GALNT18: variants seen among roughly 807,000 people sequenced by gnomAD.
GALNT18 encodes polypeptide N-acetylgalactosaminyltransferase 18.
In GALNT18, 44 loss-of-function variants were observed where a neutral mutation model predicts 69.5. That is an observed-to-expected ratio of 0.63 (90% confidence interval 0.50 to 0.81). GALNT18 has a LOEUF of 0.81. Ranked by LOEUF, GALNT18 falls within the 40% of genes least tolerant of loss-of-function variation. The probability of loss-of-function intolerance (pLI) is 0.00; values close to 1 mark genes in which losing one functional copy is unlikely to be tolerated. For missense variants in GALNT18, 715 were observed against 810.0 expected (o/e 0.88, Z 1.42); for synonymous variants, 364 against 318.2 (o/e 1.14, Z -1.53).
chr11:11,438,915 C>T (rs1241368144), intron 2 of GALNT18, among the ~76,000 whole-genome samples: 3 of 152,182 alleles, frequency 2.0e-5, no homozygotes, highest in Non-Finnish European at 4.4e-5. Context: ...CCCGGTGACT[C>T]CTTGCACCGA....
At chr11:11,311,575 G>A (rs1471061817) in intron 9 of GALNT18, among the ~76,000 whole-genome samples, 8 of 152,156 alleles carry the variant, frequency 5.3e-5, no homozygotes, top group African/African-American at 1.9e-4. Flanking sequence ...AGCTTCATGT[G>A]CTAGCATGAC....
intron 1 of GALNT18, among the ~76,000 whole-genome samples, chr11:11,450,792 T>C (rs1488489592): frequency 1.3e-5 from 2 of 152,206 alleles, no homozygotes; most frequent in South Asian, 2.1e-4. Flanking sequence ...AAGGTAGGAA[T>C]TGTTGTCATC....
rs1322351755 is a variant in GALNT18, at chr11:11,356,352, C to T, written c.1093-15348G>A. ...AATGTAATGGTGGCCAAGAAGCTAC[C>T]TTCCAGGGTCTGATACCGACCAGCA... On this transcript the variant is annotated intron_variant, in intron 6 of 10. Coordinates refer to ENST00000227756, the MANE Select transcript of GALNT18 (RefSeq NM_198516.3). This position sits in a 1 kb window ranked among gnomAD's most constrained non-coding sequence, Gnocchi z 4.4. Among the ~76,000 whole-genome samples, 3 of 152,132 alleles carry T rather than the reference C, an allele frequency of 2.0e-5. No homozygotes were observed. Among genetic ancestry groups the T allele is most frequent in the African/African-American group, 4.8e-5 (2 of 41,410 alleles).
intron 9 of GALNT18, among the ~76,000 whole-genome samples, chr11:11,305,769 C>T (rs1849566825): frequency 6.6e-6 from 1 of 152,226 alleles, no homozygotes; most frequent in Non-Finnish European, 1.5e-5. Flanking sequence ...ATCCCAAGTT[C>T]CCTGAGGGCA....
chr11:11,326,805 G>T (rs1298701323), intron 9 of GALNT18, among the ~76,000 whole-genome samples: 2 of 152,322 alleles, frequency 1.3e-5, no homozygotes, highest in South Asian at 2.1e-4. Flanking sequence ...AAGGAAGCAG[G>T]TGTTTCTCTT....
chr11:11,413,797 A>G lies in GALNT18; in HGVS notation c.595+18824T>C, dbSNP rs1459156603. 2.0e-5 allele frequency among the ~76,000 whole-genome samples: 3 copies of G among 152,198 alleles called. No individual in the cohort carries two copies. Among genetic ancestry groups the G allele is most frequent in the Admixed American group, 2.0e-4 (3 of 15,278 alleles). ...GTGGAGCTAGCTGTGCAGCCAAGCC[A>G]GGCTCAGCCTGTCCTGACCTCTTCC... On this transcript the variant is annotated intron_variant, in intron 3 of 10. Coordinates refer to ENST00000227756, the MANE Select transcript of GALNT18 (RefSeq NM_198516.3). The surrounding 1 kb of genome is among the most constrained non-coding windows in gnomAD (Gnocchi z 4.7).
Position 11,379,928 on chromosome 11 carries a change from A to T in GALNT18, c.596-664T>A, listed in dbSNP as rs181648275. ...AGCAACAGAAACAGGCCTCAGCAGC[A>T]GCCCCCTGAACCCTCAGCAAGAGAG... On this transcript the variant is annotated intron_variant, in intron 3 of 10. Coordinates refer to ENST00000227756, the MANE Select transcript of GALNT18 (RefSeq NM_198516.3). 1.1e-4 allele frequency among the ~76,000 whole-genome samples: 16 copies of T among 152,352 alleles called. No individual in the cohort carries two copies. The East Asian group carries it at 3.1e-3, about 29-fold the overall frequency.
intron 1 of GALNT18, among the ~76,000 whole-genome samples, chr11:11,544,077 G>A (rs1857988496): frequency 6.6e-6 from 1 of 152,232 alleles, no homozygotes; most frequent in African/African-American, 2.4e-5. Flanking sequence ...CCCTCTAGAG[G>A]CAAGAAACCA....
At chr11:11,611,419 T>A (rs903638775) in intron 1 of GALNT18, among the ~76,000 whole-genome samples, 1 of 152,208 alleles carries the variant, frequency 6.6e-6, no homozygotes, top group Non-Finnish European at 1.5e-5. Context: ...GACCCTCACC[T>A]TCTTCTTTGT....
intron 1 of GALNT18, among the ~76,000 whole-genome samples, chr11:11,560,694 C>T (rs1858484872): frequency 6.6e-6 from 1 of 152,202 alleles, no homozygotes; most frequent in Admixed American, 6.5e-5. Flanking sequence ...GGGTACTGAC[C>T]CCAGCCCAGC....
Position 11,379,069 on chromosome 11 carries a change from A to G in GALNT18, c.779+12T>C. 3.2e-6 allele frequency: 5 copies of G among 1,577,066 alleles called. No homozygotes were observed. Among genetic ancestry groups the G allele is most frequent in the Non-Finnish European group, 4.3e-6 (5 of 1,166,478 alleles). On this transcript the variant is annotated intron_variant, in intron 4 of 10. Coordinates refer to ENST00000227756, the MANE Select transcript of GALNT18 (RefSeq NM_198516.3). ...CACTGGGACTCCTCCTCCTCTCCCA[A>G]GGGGCACTTACCAGCCCACATTGAA...
chr11:11,274,319 C>A (rs1699672906), intron 10 of GALNT18, among the ~76,000 whole-genome samples: 1 of 152,174 alleles, frequency 6.6e-6, no homozygotes, highest in African/African-American at 2.4e-5. Flanking sequence ...ACCCCAGTGG[C>A]ACCAGGAATG....
chr11:11,283,472 A>G (rs2132989276), intron 10 of GALNT18, among the ~76,000 whole-genome samples: 1 of 152,200 alleles, frequency 6.6e-6, no homozygotes, highest in East Asian at 1.9e-4. Flanking sequence ...CCATTGCAGA[A>G]TCTGACTGAC....
chr11:11,609,642 G>T (rs1321909145), intron 1 of GALNT18, among the ~76,000 whole-genome samples: 4 of 152,204 alleles, frequency 2.6e-5, no homozygotes, highest in African/African-American at 9.6e-5. Context: ...CAACACTGAG[G>T]AGAGTGGGAA....
At chr11:11,368,786 C>T (rs375070866) in intron 6 of GALNT18, among the ~76,000 whole-genome samples, 9 of 152,120 alleles carry the variant, frequency 5.9e-5, no homozygotes, top group South Asian at 4.2e-4. Context: ...CTTTATATTC[C>T]GTGTCTGATG....
In GALNT18 at chr11:11,377,487, GC is replaced by G; in HGVS notation, c.780-109del. ...CCAGCAGAAAGAGGAAGGAAGGCCT[GC>G]CCATCTCCTCTGATGGAGAGGTGCA... is the stretch of plus-strand genomic sequence containing the variant. On this transcript the variant is annotated intron_variant, in intron 4 of 10. Transcript: ENST00000227756. The surrounding 1 kb of genome is among the most constrained non-coding windows in gnomAD (Gnocchi z 4.6). 1.1e-6 allele frequency: 1 copy of G among 931,718 alleles called. No individual in the cohort carries two copies. The highest frequency in any genetic ancestry group is 1.7e-6 in the Non-Finnish European group (1 of 595,998). 57.7% of individuals were successfully genotyped at this position (931,718 alleles called of 1,614,324 possible).
At chr11:11,462,822 C>G (rs1856075355) in intron 1 of GALNT18, among the ~76,000 whole-genome samples, 1 of 152,140 alleles carries the variant, frequency 6.6e-6, no homozygotes, top group African/African-American at 2.4e-5. Flanking sequence ...GGTCTTAATG[C>G]CCTCATTCCT....
In GALNT18 at chr11:11,591,784, A is replaced by C. The variant is rs567828820; in HGVS notation, c.235+29575T>G. Reference sequence around the variant, plus strand: ...ATACCCTTTGAAGGGACAAAAATACACACATTATCAGATTTGGGTCCTGAG... The same window carrying C: ...ATACCCTTTGAAGGGACAAAAATACCCACATTATCAGATTTGGGTCCTGAG... On this transcript the variant is annotated intron_variant, in intron 1 of 10. Coordinates refer to ENST00000227756, the MANE Select transcript of GALNT18 (RefSeq NM_198516.3). This position sits in a 1 kb window ranked among gnomAD's most constrained non-coding sequence, Gnocchi z 4.8. Among the ~76,000 whole-genome samples, 12 of 152,284 alleles carry C rather than the reference A, an allele frequency of 7.9e-5. No homozygotes were observed. Among genetic ancestry groups the C allele is most frequent in the African/African-American group, 2.4e-4 (10 of 41,544 alleles).
chr11:11,449,873 C>T (rs1464001291), intron 1 of GALNT18, among the ~76,000 whole-genome samples: 11 of 152,216 alleles, frequency 7.2e-5, no homozygotes, highest in Admixed American at 5.2e-4. Context: ...GCATTTAGAT[C>T]AGTTTATGTC....
Sources: allele counts gnomAD v4.1 joint callset (sites outside exome capture counted in the v4.1 genomes callset), GRCh38; gene constraint gnomAD v4.1.1; non-coding constraint Gnocchi (gnomAD v3.1); transcripts MANE v1.5; gene names NCBI Gene and HGNC (gene_info 2026-07-23, HGNC 2026-07-21).